PRSS23: variants seen among roughly 807,000 people sequenced by gnomAD.
The protein encoded by PRSS23 is protease, serine 23.
In PRSS23, 25 loss-of-function variants were observed where a neutral mutation model predicts 34.7. That is an observed-to-expected ratio of 0.72 (90% confidence interval 0.53 to 1.01). The LOEUF (loss-of-function observed/expected upper bound fraction) is 1.01. Ranked by LOEUF, PRSS23 falls within the 50% of genes least tolerant of loss-of-function variation. The pLI is 0.00. For missense variants in PRSS23, 445 were observed against 475.6 expected (o/e 0.94, Z 0.60); for synonymous variants, 176 against 186.6 (o/e 0.94, Z 0.46).
chr11:86,946,789 A>G (rs1949246390), intron 2 of PRSS23: 1 of 152,442 alleles, frequency 6.6e-6, no homozygotes, highest in African/African-American at 2.4e-5. Flanking sequence ...TCTAAACTCA[A>G]ATAAAATAAA....
chr11:86,834,164 A>G (rs1262627261), intron 2 of PRSS23, among the ~76,000 whole-genome samples: 4 of 152,232 alleles, frequency 2.6e-5, no homozygotes, highest in Non-Finnish European at 2.9e-5. Flanking sequence ...GGCCCTGACC[A>G]TCTGCTTAAT....
At chr11:86,837,673 A>G (rs929114119) in intron 2 of PRSS23, 1 of 152,264 alleles carries the variant, frequency 6.6e-6, no homozygotes, top group African/African-American at 2.4e-5. Context: ...AGGCTGAGAC[A>G]GGAGAATGGC....
intron 2 of PRSS23, chr11:86,892,515 C>G (rs1280522225): frequency 1.3e-5 from 2 of 152,126 alleles, no homozygotes; most frequent in Non-Finnish European, 2.9e-5. Context: ...CAGATCAATG[C>G]AGCGATATGG....
chr11:86,837,118 A>G (rs1948412030), intron 2 of PRSS23: 1 of 152,236 alleles, frequency 6.6e-6, no homozygotes, highest in African/African-American at 2.4e-5. Flanking sequence ...GCTAGAAAAT[A>G]CAGCCTATCT....
intron 2 of PRSS23, among the ~76,000 whole-genome samples, chr11:86,845,111 A>G (rs1948477065): frequency 6.6e-6 from 1 of 151,822 alleles, no homozygotes; most frequent in African/African-American, 2.4e-5. Flanking sequence ...AAAAAGAATT[A>G]AGTAAGTCGA....
chr11:86,922,306 T>A (rs928950269), intron 2 of PRSS23, among the ~76,000 whole-genome samples: 2 of 152,130 alleles, frequency 1.3e-5, no homozygotes, highest in Non-Finnish European at 2.9e-5. Flanking sequence ...GACAATTACT[T>A]AACCACTCTC....
chr11:86,858,419 C>T (rs915705829), intron 2 of PRSS23, among the ~76,000 whole-genome samples: 1 of 150,864 alleles, frequency 6.6e-6, no homozygotes, highest in African/African-American at 2.4e-5. Flanking sequence ...GATGGGGGTG[C>T]ACACAACCCT....
chr11:86,854,043 C>G (rs933106622), intron 2 of PRSS23, among the ~76,000 whole-genome samples: 2 of 152,164 alleles, frequency 1.3e-5, no homozygotes, highest in African/African-American at 4.8e-5. Context: ...CTCTGTCGCC[C>G]AGGCTGGAGT....
At chr11:86,928,707 TTGGCAAGAC>T (rs1949102184) in intron 2 of PRSS23, among the ~76,000 whole-genome samples, 4 of 65,828 alleles carry the variant, frequency 6.1e-5, no homozygotes, top group Non-Finnish European at 9.4e-5. Flanking sequence ...AAAAAAAAAA[TTGGCAAGAC>T]ATATACAGCA....
chr11:86,912,631 T>G (rs1278606422), intron 2 of PRSS23, among the ~76,000 whole-genome samples: 1 of 152,190 alleles, frequency 6.6e-6, no homozygotes, highest in Non-Finnish European at 1.5e-5. Context: ...CATTTGGTTC[T>G]TTTTTTAATT....
rs1948159379 is a variant in PRSS23, at chr11:86,809,996, GC to G, written c.*1203del. 1 of 166,946 alleles carries G rather than the reference GC, an allele frequency of 6.0e-6. No homozygotes were observed. The highest frequency in any genetic ancestry group is 2.4e-5 in the African/African-American group (1 of 41,434). 10.3% of individuals were successfully genotyped at this position (166,946 alleles called of 1,614,324 possible). ...CCTTTTTCCCTCTAGCTTTAAAAGG[GC>G]CGCTTTTGCTGGAATGCTCTAGGTT... On this transcript the variant is annotated 3_prime_UTR_variant, in exon 2 of 2. Transcript: ENST00000280258.
chr11:86,858,385 G>A (rs34337842), intron 2 of PRSS23, among the ~76,000 whole-genome samples: 171 of 152,122 alleles, frequency 1.1e-3, no homozygotes, highest in Non-Finnish European at 1.9e-3. Context: ...CAGGGAGGGA[G>A]AGGATGTTAT....
intron 2 of PRSS23, among the ~76,000 whole-genome samples, chr11:86,880,215 G>C (rs1345945781): frequency 6.6e-6 from 1 of 151,962 alleles, no homozygotes; most frequent in Non-Finnish European, 1.5e-5. Context: ...GGCGGTGTAA[G>C]ATGTGCTTTG....
chr11:86,856,911 A>G (rs1295325088), intron 2 of PRSS23: 1 of 152,862 alleles, frequency 6.5e-6, no homozygotes, highest in Non-Finnish European at 1.5e-5. Context: ...AGTTAAAGGC[A>G]TAACAAAGAA....
At chr11:86,880,978 C>T (rs1000896352) in intron 2 of PRSS23, among the ~76,000 whole-genome samples, 2 of 152,208 alleles carry the variant, frequency 1.3e-5, no homozygotes, top group East Asian at 3.8e-4. Context: ...AATATGATGT[C>T]ATCCATTAAC....
At chr11:86,795,073 C>A (rs760358779) in intron 1 of PRSS23, among the ~76,000 whole-genome samples, 1 of 152,084 alleles carries the variant, frequency 6.6e-6, no homozygotes, top group Non-Finnish European at 1.5e-5. Flanking sequence ...GGGGTGTCAA[C>A]GGGAGTCCTG....
intron 2 of PRSS23, among the ~76,000 whole-genome samples, chr11:86,939,646 T>A (rs932220075): frequency 4.0e-5 from 6 of 151,594 alleles, no homozygotes; most frequent in Non-Finnish European, 7.4e-5. Flanking sequence ...TTTGCATTTA[T>A]TTCTGAAGGA....
In PRSS23 at chr11:86,879,100, G is replaced by GCGTCTCTGCCCGGCCGC. The variant is rs1948748470; in HGVS notation, c.206+55508_206+55509insGTCTCTGCCCGGCCGCC. ...CGCCATCCCGTCTAGGAAGTGAGGAGCACCTCTTCCCGGCCGCCATCCCGT... is the reference window on the plus strand; with the variant it reads ...CGCCATCCCGTCTAGGAAGTGAGGAGCGTCTCTGCCCGGCCGCCACCTCTTCCCGGCCGCCATCCCGT... On this transcript the variant is annotated intron_variant, in intron 2 of 2. Transcript: ENST00000533902. Among the ~76,000 whole-genome samples the GCGTCTCTGCCCGGCCGC allele has an allele frequency of 2.1e-5, 3 of 142,578 alleles. 1 individual carries two copies. Among genetic ancestry groups the GCGTCTCTGCCCGGCCGC allele is most frequent in the Non-Finnish European group, 3.1e-5 (2 of 64,836 alleles). The allele number at this position is 142,578 out of a possible 152,430, so 93.5% of individuals were successfully genotyped here.
At chr11:86,800,498 G>C (rs1337894741), upstream of PRSS23, 4 of 984,334 alleles carry the variant, frequency 4.1e-6, no homozygotes, top group Non-Finnish European at 4.8e-6. Context: ...GGGTGGCGCG[G>C]GGGGCGGACC....
Sources: gnomAD v4.1 joint callset for allele counts (sites outside exome capture counted in the v4.1 genomes callset) on GRCh38, gnomAD v4.1.1 for gene constraint, MANE v1.5 for transcripts, NCBI Gene and HGNC (gene_info 2026-07-23, HGNC 2026-07-21) for gene names.